Variants in FTCDNL1 observed in about 807,000 individuals in gnomAD.
FTCDNL1 encodes formiminotransferase cyclodeaminase N-terminal like, also known as formiminotransferase N-terminal subdomain-containing protein.
FTCDNL1 carries 11 observed loss-of-function variants against 5.9 expected under a neutral mutation model. The observed-to-expected ratio is 1.87, with a 90% confidence interval of 1.18 to 3.10. The LOEUF (loss-of-function observed/expected upper bound fraction) is 3.10. Ranked by LOEUF, FTCDNL1 falls within the 30% of genes most tolerant of loss-of-function variation. FTCDNL1 has a pLI of 0.00. For synonymous variants in FTCDNL1, 58 were observed against 24.8 expected (o/e 2.34, Z -3.99); for missense variants, 115 against 65.5 (o/e 1.76, Z -2.61).
chr2:199,766,402 C>T lies in FTCDNL1; in HGVS notation c.212-5567G>A, dbSNP rs78879773. On this transcript the variant is annotated intron_variant, in intron 3 of 3. Coordinates refer to the FTCDNL1 transcript ENST00000416668. Reference sequence around the variant, plus strand: ...CTTCCCATATTGGCCTTTGAACAGACACCCACTGTCCTTCAGCATGGTTTC... The same window carrying T: ...CTTCCCATATTGGCCTTTGAACAGATACCCACTGTCCTTCAGCATGGTTTC... Among the ~76,000 whole-genome samples the T allele has an allele frequency of 5.1e-3, 773 of 152,242 alleles. 5 individuals are homozygous for T. The highest frequency in any genetic ancestry group is 0.017 in the African/African-American group (685 of 41,498).
chr2:199,726,097 G>A, the FTCDNL1 span, among the ~76,000 whole-genome samples: 2 of 151,880 alleles, frequency 1.3e-5, no homozygotes, highest in Admixed American at 1.3e-4. Context: ...TTTATTCATT[G>A]TTGTCTAATT....
chr2:199,816,881 T>G (rs1186817316), intron 4 of FTCDNL1, among the ~76,000 whole-genome samples: 1 of 152,240 alleles, frequency 6.6e-6, no homozygotes, highest in Non-Finnish European at 1.5e-5. Context: ...AGGCTTTTAT[T>G]TATCGTCTGT....
intron 3 of FTCDNL1, among the ~76,000 whole-genome samples, chr2:199,773,121 C>T (rs1055982460): frequency 1.3e-5 from 2 of 152,274 alleles, no homozygotes; most frequent in South Asian, 2.1e-4. Context: ...CTAAACAAAA[C>T]ATTGCCTTTT....
At chr2:199,805,642 G>A (rs1444822894), downstream of FTCDNL1, among the ~76,000 whole-genome samples, 1 of 152,102 alleles carries the variant, frequency 6.6e-6, no homozygotes, top group African/African-American at 2.4e-5. Context: ...CAGAGGCTGA[G>A]GCAGCAGAAT....
chr2:199,745,210 T>C, the FTCDNL1 span, among the ~76,000 whole-genome samples: 1 of 152,218 alleles, frequency 6.6e-6, no homozygotes, highest in Non-Finnish European at 1.5e-5. Flanking sequence ...CTAACGCCTA[T>C]TACATGCTGG....
At chr2:199,834,950 G>T (rs1702624001) in intron 3 of FTCDNL1, among the ~76,000 whole-genome samples, 1 of 152,160 alleles carries the variant, frequency 6.6e-6, no homozygotes, top group Non-Finnish European at 1.5e-5. Context: ...AAGGCAGGAG[G>T]ATCACTTGAG....
chr2:199,666,267 T>C, the FTCDNL1 span, among the ~76,000 whole-genome samples: 4 of 152,202 alleles, frequency 2.6e-5, no homozygotes, highest in African/African-American at 9.7e-5. Flanking sequence ...CTAGGACTTG[T>C]GGCAAATAAA....
the FTCDNL1 span, among the ~76,000 whole-genome samples, chr2:199,701,349 A>C: frequency 1.0e-5 from 1 of 95,706 alleles, no homozygotes; most frequent in African/African-American, 3.6e-5. Context: ...AAAAAAAAAA[A>C]AAACCACCGC....
At chr2:199,727,666 T>C in the FTCDNL1 span, among the ~76,000 whole-genome samples, 1 of 152,116 alleles carries the variant, frequency 6.6e-6, no homozygotes, top group Non-Finnish European at 1.5e-5. Context: ...GCTGTTTTTG[T>C]TCTCAGTGGG....
At chr2:199,844,757 G>C (rs1043348665) in intron 3 of FTCDNL1, among the ~76,000 whole-genome samples, 5 of 152,166 alleles carry the variant, frequency 3.3e-5, no homozygotes, top group African/African-American at 1.2e-4. Context: ...CAAAGTGGGA[G>C]AATTATACAA....
chr2:199,803,752 C>A lies in FTCDNL1; in HGVS notation c.211+42323G>T, dbSNP rs191725397. Among the ~76,000 whole-genome samples, 182 of 152,296 alleles carry A rather than the reference C, an allele frequency of 1.2e-3. 2 individuals are homozygous for A. Among genetic ancestry groups the A allele is most frequent in the Non-Finnish European group, 2.9e-5 (2 of 68,028 alleles). On this transcript the variant is annotated intron_variant, in intron 3 of 3. Coordinates refer to the FTCDNL1 transcript ENST00000416668. ...TTGCTGGGATTACAGGCATGAGCCA[C>A]CATGCCCAGCCCAAGGGGTACTGTT...
At chr2:199,839,068 C>G (rs1247595849) in intron 3 of FTCDNL1, among the ~76,000 whole-genome samples, 2 of 152,002 alleles carry the variant, frequency 1.3e-5, no homozygotes, top group Non-Finnish European at 2.9e-5. Context: ...TTGACAAACC[C>G]CACCTGCACA....
chr2:199,838,623 C>A (rs1702923024), intron 3 of FTCDNL1, among the ~76,000 whole-genome samples: 1 of 152,110 alleles, frequency 6.6e-6, no homozygotes, highest in South Asian at 2.1e-4. Flanking sequence ...AGGGCAGAAC[C>A]AGCAGCCCCA....
Position 199,812,540 on chromosome 2 carries a change from T to G in FTCDNL1, c.*165A>C, listed in dbSNP as rs1024214470. ...GTTAAATGTCATATAATTAAAGTAATTCCACTTTTTGCTCTAAAATTAGAA... is the reference window on the plus strand; with the variant it reads ...GTTAAATGTCATATAATTAAAGTAAGTCCACTTTTTGCTCTAAAATTAGAA... On this transcript the variant is annotated 3_prime_UTR_variant, in exon 5 of 5. Transcript: ENST00000420128. 2.2e-6 allele frequency: 1 copy of G among 458,568 alleles called. No individual in the cohort carries two copies. The highest frequency in any genetic ancestry group is 4.1e-5 in the Admixed American group (1 of 24,438). The allele number at this position is 458,568 out of a possible 1,614,324, so 28.4% of individuals were successfully genotyped here. A position where few individuals can be genotyped will look rare whatever the true frequency, so the allele number is the denominator to read the frequency against.
intron 3 of FTCDNL1, among the ~76,000 whole-genome samples, chr2:199,776,916 G>GGATATA (rs1553537472): frequency 1.4e-5 from 2 of 143,454 alleles, no homozygotes; most frequent in Non-Finnish European, 3.0e-5. Context: ...ATATGTGTAT[G>GGATATA]TATATATATA....
chr2:199,742,910 A>G, the FTCDNL1 span, among the ~76,000 whole-genome samples: 3 of 152,252 alleles, frequency 2.0e-5, no homozygotes, highest in Non-Finnish European at 4.4e-5. Flanking sequence ...AAGGAACTAC[A>G]AATGGGTCTC....
At chr2:199,720,506 G>A in the FTCDNL1 span, among the ~76,000 whole-genome samples, 1 of 152,134 alleles carries the variant, frequency 6.6e-6, no homozygotes, top group African/African-American at 2.4e-5. Flanking sequence ...GCAAGGTCAC[G>A]ATCCCTCTAA....
In FTCDNL1 at chr2:199,851,056, T is replaced by C. The variant is rs986464329; in HGVS notation, c.-324A>G. 6 of 148,720 alleles carry C rather than the reference T, an allele frequency of 4.0e-5. No homozygotes were observed. Among genetic ancestry groups the C allele is most frequent in the Non-Finnish European group, 9.1e-5 (6 of 66,190 alleles). 9.2% of individuals were successfully genotyped at this position (148,720 alleles called of 1,614,324 possible). A position where few individuals can be genotyped will look rare whatever the true frequency, so the allele number is the denominator to read the frequency against. On this transcript the variant is annotated 5_prime_UTR_variant, in exon 1 of 5. Coordinates refer to ENST00000420128, the MANE Select transcript of FTCDNL1 (RefSeq NM_001363886.2). ...CGGCCGCGCCTGCCGCTCTGCGGTTTGGGAGGGGAGCGGACCTGCGAGCGC... is the reference window on the plus strand; with the variant it reads ...CGGCCGCGCCTGCCGCTCTGCGGTTCGGGAGGGGAGCGGACCTGCGAGCGC...
chr2:199,709,052 C>T, the FTCDNL1 span, among the ~76,000 whole-genome samples: 3 of 152,068 alleles, frequency 2.0e-5, no homozygotes, highest in Non-Finnish European at 4.4e-5. Flanking sequence ...AGGGTAGATG[C>T]AATTATTTCT....
Sources: gnomAD v4.1 joint callset for allele counts (sites outside exome capture counted in the v4.1 genomes callset) on GRCh38, gnomAD v4.1.1 for gene constraint, MANE v1.5 for transcripts, NCBI Gene and HGNC (gene_info 2026-07-23, HGNC 2026-07-21) for gene names.